The following GREM2 variants were observed in gnomAD, a reference collection of about 807,000 sequenced individuals.
GREM2 encodes gremlin 2, DAN family BMP antagonist, also known as gremlin-2.
In GREM2, 11 loss-of-function variants were observed where a neutral mutation model predicts 14.2. That is an observed-to-expected ratio of 0.78 (90% CI 0.49 to 1.28). GREM2 has a LOEUF of 1.28. Among genes scored for constraint, GREM2 ranks in the 50% most tolerant of loss-of-function variants. GREM2 has a pLI of 0.00. For missense variants in GREM2, 210 were observed against 218.5 expected (o/e 0.96, Z 0.24); for synonymous variants, 98 against 97.6 (o/e 1.00, Z -0.02).
chr1:240,582,377 G>A (rs1293615085), intron 1 of GREM2, among the ~76,000 whole-genome samples: 3 of 152,222 alleles, frequency 2.0e-5, no homozygotes, highest in African/African-American at 7.2e-5. Flanking sequence ...GGAGGTTGCA[G>A]TGAGCCAAGA....
intron 1 of GREM2, among the ~76,000 whole-genome samples, chr1:240,500,493 C>G (rs1677546797): frequency 6.6e-6 from 1 of 151,352 alleles, no homozygotes; most frequent in Non-Finnish European, 1.5e-5. Context: ...TTAATAGAGA[C>G]AAGGTTTCAC....
intron 1 of GREM2, among the ~76,000 whole-genome samples, chr1:240,533,262 G>C (rs977991213): frequency 6.6e-6 from 1 of 152,162 alleles, no homozygotes. Flanking sequence ...TAATAGAAAT[G>C]AGCTAGCTGT....
At chr1:240,541,413 A>G (rs1176690964) in intron 1 of GREM2, among the ~76,000 whole-genome samples, 2 of 152,210 alleles carry the variant, frequency 1.3e-5, no homozygotes, top group South Asian at 4.1e-4. Flanking sequence ...CATTCTCTTT[A>G]GCCAAATTCT....
Position 240,492,059 on chromosome 1 carries a change from C to A in GREM2, c.*910G>T. The A allele has an allele frequency of 5.0e-6, 1 of 200,172 alleles. No homozygotes were observed. The highest frequency in any genetic ancestry group is 1.1e-5 in the Non-Finnish European group (1 of 90,430). 12.4% of individuals were successfully genotyped at this position (200,172 alleles called of 1,614,324 possible). A position where few individuals can be genotyped will look rare whatever the true frequency, so the allele number is the denominator to read the frequency against. ...CCTTCTGGGCCTGCTGTCATCCTTA[C>A]TCCGAATGGTGCTGCAAGCCAGAGT... On this transcript the variant is annotated 3_prime_UTR_variant, in exon 2 of 2. Transcript: ENST00000318160.
rs1263007017 is a variant in GREM2 at position 240,492,180 on chromosome 1, A to C, written c.*789T>G. The C allele has an allele frequency of 2.2e-6, 1 of 449,742 alleles. No individual in the cohort carries two copies. Among genetic ancestry groups the C allele is most frequent in the Non-Finnish European group, 4.5e-6 (1 of 222,738 alleles). 27.9% of individuals were successfully genotyped at this position (449,742 alleles called of 1,614,324 possible). ...TTATAAAACCAGCGTTAATATAGAGACCTTTGTGTGTGATAATATTCTAAT... is the reference window on the plus strand; with the variant it reads ...TTATAAAACCAGCGTTAATATAGAGCCCTTTGTGTGTGATAATATTCTAAT... On this transcript the variant is annotated 3_prime_UTR_variant, in exon 2 of 2. Transcript: ENST00000318160.
chr1:240,609,708 A>G (rs1680096649), intron 1 of GREM2, among the ~76,000 whole-genome samples: 1 of 152,170 alleles, frequency 6.6e-6, no homozygotes, highest in South Asian at 2.1e-4. Flanking sequence ...AAAGTGGCTG[A>G]ACTAATCTGT....
intron 1 of GREM2, among the ~76,000 whole-genome samples, chr1:240,517,103 A>C (rs1677973397): frequency 6.6e-6 from 1 of 152,294 alleles, no homozygotes; most frequent in Non-Finnish European, 1.5e-5. Flanking sequence ...TTTCACAATA[A>C]ATATTTGTCC....
chr1:240,584,661 G>A (rs1234535756), intron 1 of GREM2, among the ~76,000 whole-genome samples: 1 of 152,094 alleles, frequency 6.6e-6, no homozygotes, highest in African/African-American at 2.4e-5. Flanking sequence ...AGTGAGCCAT[G>A]ATTTCACCAT....
intron 1 of GREM2, among the ~76,000 whole-genome samples, chr1:240,511,444 T>C (rs866831594): frequency 6.6e-6 from 1 of 152,210 alleles, no homozygotes; most frequent in African/African-American, 2.4e-5. Flanking sequence ...AGAATATCCA[T>C]AGGCCTTTTA....
At chr1:240,513,136 A>G (rs1047309621) in intron 1 of GREM2, among the ~76,000 whole-genome samples, 1 of 152,218 alleles carries the variant, frequency 6.6e-6, no homozygotes, top group Non-Finnish European at 1.5e-5. Context: ...GGGGTAGGAC[A>G]TAATTAGGTT....
intron 1 of GREM2, among the ~76,000 whole-genome samples, chr1:240,522,910 A>G (rs988907584): frequency 6.7e-6 from 1 of 148,464 alleles, no homozygotes; most frequent in African/African-American, 2.4e-5. Context: ...CATCTCCATA[A>G]AACACCTTCT....
intron 1 of GREM2, among the ~76,000 whole-genome samples, chr1:240,595,571 G>A (rs1297148268): frequency 6.6e-6 from 1 of 152,012 alleles, no homozygotes; most frequent in East Asian, 1.9e-4. Context: ...CCCTAATAAG[G>A]GAATTTCAGG....
chr1:240,543,261 G>C lies in GREM2; in HGVS notation c.-1-49785C>G, dbSNP rs2103328070. Among the ~76,000 whole-genome samples the C allele has an allele frequency of 6.6e-6, 1 of 152,296 alleles. No individual in the cohort carries two copies. Among genetic ancestry groups the C allele is most frequent in the Non-Finnish European group, 1.5e-5 (1 of 68,032 alleles). On this transcript the variant is annotated intron_variant, in intron 1 of 1. Transcript: ENST00000318160. This position sits in a 1 kb window ranked among gnomAD's most constrained non-coding sequence, Gnocchi z 6.4. ...AATGTGTTAGGTAATCTATTAGTCT[G>C]TCGTCATGCTGCTAATAAAAAGACA...
intron 1 of GREM2, among the ~76,000 whole-genome samples, chr1:240,539,856 G>C (rs150279743): frequency 2.6e-5 from 4 of 152,172 alleles, no homozygotes; most frequent in African/African-American, 9.7e-5. Flanking sequence ...GCAACACTTT[G>C]CTTGCCCACA....
chr1:240,528,609 A>G (rs1394919932), intron 1 of GREM2, among the ~76,000 whole-genome samples: 1 of 152,132 alleles, frequency 6.6e-6, no homozygotes, highest in Non-Finnish European at 1.5e-5. Context: ...GTAATTACCT[A>G]AGTAATTAGT....
intron 1 of GREM2, among the ~76,000 whole-genome samples, chr1:240,604,902 A>G (rs1370671966): frequency 6.6e-6 from 1 of 152,222 alleles, no homozygotes; most frequent in Non-Finnish European, 1.5e-5. Flanking sequence ...TGTGCTCCTA[A>G]ATATTTGCCC....
chr1:240,577,589 C>G (rs944902000), intron 1 of GREM2, among the ~76,000 whole-genome samples: 1 of 152,188 alleles, frequency 6.6e-6, no homozygotes, highest in African/African-American at 2.4e-5. Flanking sequence ...CAGTTCGGGT[C>G]TTAACTTGAA....
intron 1 of GREM2, among the ~76,000 whole-genome samples, chr1:240,566,396 C>T (rs561820761): frequency 3.3e-4 from 50 of 152,084 alleles, no homozygotes; most frequent in Non-Finnish European, 6.0e-4. Flanking sequence ...TAAAGTGAAC[C>T]TTATGATCGC....
In GREM2 at chr1:240,596,291, T is replaced by C. The variant is rs183329893; in HGVS notation, c.-2+15593A>G. On this transcript the variant is annotated intron_variant, in intron 1 of 1. Transcript: ENST00000318160. Reference sequence around the variant, plus strand: ...CAGTGTTTAAGATATCCATTATATTTTCCCACAGGAAAAGTTAAGGAAATG... The same window carrying C: ...CAGTGTTTAAGATATCCATTATATTCTCCCACAGGAAAAGTTAAGGAAATG... Among the ~76,000 whole-genome samples the C allele has an allele frequency of 2.5e-4, 38 of 152,360 alleles. No homozygotes were observed. In the Middle Eastern group the frequency reaches 0.01, roughly 41 times the overall value.
Sources: gnomAD v4.1 joint callset for allele counts (sites outside exome capture counted in the v4.1 genomes callset) on GRCh38, gnomAD v4.1.1 for gene constraint, Gnocchi (gnomAD v3.1) non-coding constraint, MANE v1.5 for transcripts, NCBI Gene and HGNC (gene_info 2026-07-23, HGNC 2026-07-21) for gene names.